Variants in USP34 observed in about 807,000 individuals in gnomAD.
USP34 encodes the protein ubiquitin carboxyl-terminal hydrolase 34.
USP34 carries 70 observed loss-of-function variants against 460.3 expected under a neutral mutation model. That is an observed-to-expected ratio of 0.15 (90% CI 0.13 to 0.19). The LOEUF is 0.19. Among genes scored for constraint, USP34 ranks in the 10% least tolerant of loss-of-function variants. USP34 has a pLI of 1.00. For missense variants in USP34, 3,985 were observed against 4,236.2 expected (o/e 0.94, Z 1.65); for synonymous variants, 1,647 against 1,405.3 (o/e 1.17, Z -3.85).
At chr2:61,349,152 A>G in intron 13 of USP34, 98 bp downstream of exon 13, 3 of 1,397,768 alleles carry the variant, frequency 2.1e-6, no homozygotes, top group Non-Finnish European at 2.9e-6. Flanking sequence ...GAACTTTATG[A>G]CTGATACAAA....
chr2:61,367,980 G>A (rs554955522), intron 10 of USP34, among the ~76,000 whole-genome samples: 3 of 152,156 alleles, frequency 2.0e-5, no homozygotes, highest in South Asian at 4.2e-4. Flanking sequence ...TTACAAAGAG[G>A]CAAGTAAAAA....
intron 34 of USP34, among the ~76,000 whole-genome samples, chr2:61,286,792 T>A (rs1264121920): frequency 2.0e-5 from 3 of 152,218 alleles, no homozygotes; most frequent in Non-Finnish European, 4.4e-5. Flanking sequence ...AAGCTTGTAG[T>A]TGCATATTAT....
chr2:61,363,083 T>G (rs763855087), intron 10 of USP34, among the ~76,000 whole-genome samples: 1 of 151,940 alleles, frequency 6.6e-6, no homozygotes, highest in Non-Finnish European at 1.5e-5. Context: ...AATATGCAAA[T>G]AGCCAATGAG....
intron 16 of USP34, among the ~76,000 whole-genome samples, chr2:61,340,388 C>A (rs993614175): frequency 6.6e-6 from 1 of 152,146 alleles, no homozygotes; most frequent in African/African-American, 2.4e-5. Context: ...ACAAGTTTTG[C>A]ATCATTTCCT....
chr2:61,347,853 T>C lies in USP34; in HGVS notation c.2285+17A>G, dbSNP rs1325223144. ...AAAGGAAATATGAACTGAATATTTA[T>C]TTTGAAGTAGGCTTACCCATCGTGG... On this transcript the variant is annotated intron_variant, in intron 15 of 79. Coordinates refer to ENST00000398571, the MANE Select transcript of USP34 (RefSeq NM_014709.4). The C allele has an allele frequency of 1.9e-6, 3 of 1,607,376 alleles. No homozygotes were observed. Among genetic ancestry groups the C allele is most frequent in the Non-Finnish European group, 8.5e-7 (1 of 1,175,756 alleles).
chr2:61,441,958 A>G (rs1694978770), intron 1 of USP34, among the ~76,000 whole-genome samples: 1 of 152,198 alleles, frequency 6.6e-6, no homozygotes, highest in Non-Finnish European at 1.5e-5. Flanking sequence ...CAGAGTGCCC[A>G]GAAGTTAATA....
chr2:61,375,641 T>C (rs925661543), intron 8 of USP34, among the ~76,000 whole-genome samples: 10 of 151,242 alleles, frequency 6.6e-5, no homozygotes, highest in East Asian at 5.8e-4. Flanking sequence ...TGGTGGCGGG[T>C]GCCTGTAGTC....
At position 61,241,626 on chromosome 2, in the gene USP34, T is replaced by G; in HGVS notation, c.6711A>C (p.Lys2237Asn). Reference sequence around the variant, plus strand: ...CATTTTCTTCCTCTGGTTCCATGCGTTTGTAAAACAGCATATATGCACTGT... The same window carrying G: ...CATTTTCTTCCTCTGGTTCCATGCGGTTGTAAAACAGCATATATGCACTGT... The part of the protein sequence containing the change: ...KTHSAYMLFY[K>N]RMEPEEENGR... Residue 2237 changes from lysine to asparagine, a missense_variant, in exon 53 of 80, where the codon AAA (lysine) becomes AAC (asparagine). This residue lies in a region of USP34 where 604 missense variants were observed against 684.8 expected (regional missense o/e 0.88). Transcript: ENST00000398571. The G allele has an allele frequency of 6.2e-7, 1 of 1,608,218 alleles. No individual in the cohort carries two copies. The highest frequency in any genetic ancestry group is 8.5e-7 in the Non-Finnish European group (1 of 1,178,196).
At chr2:61,224,246 C>T (rs1687668899) in intron 62 of USP34, among the ~76,000 whole-genome samples, 1 of 152,202 alleles carries the variant, frequency 6.6e-6, no homozygotes, top group Non-Finnish European at 1.5e-5. Flanking sequence ...TTTGTGTTTG[C>T]AATTTATCTG....
At chr2:61,263,127 G>A (rs1688943779) in intron 43 of USP34, among the ~76,000 whole-genome samples, 1 of 150,496 alleles carries the variant, frequency 6.6e-6, no homozygotes, top group Non-Finnish European at 1.5e-5. Context: ...TCCTGGCCCA[G>A]CGTCCCGAGT....
rs1385746734 is a variant in USP34, at chr2:61,223,070, A to T, written c.7739T>A (p.Leu2580His). 1.2e-6 allele frequency: 2 copies of T among 1,612,332 alleles called. No individual in the cohort carries two copies. Among genetic ancestry groups the T allele is most frequent in the Non-Finnish European group, 1.7e-6 (2 of 1,178,796 alleles). Reference protein sequence around the residue: ...IFSLCRYNNRLAEHIVSMLFT... With the variant: ...IFSLCRYNNRHAEHIVSMLFT... ...TTCCTTAGCACTTACATGTTCTGCA[A>T]GTCGATTATTGTATCGACACAGGCT... is the stretch of plus-strand genomic sequence containing the variant. The change falls in exon 64 of 80, where the codon CTT becomes CAT. Residue 2580 changes from leucine (L) to histidine (H), a missense_variant. Physicochemically the swap from Leu to His is moderately conservative, Grantham distance 99. Around this residue, in one of 14 missense-constraint regions of USP34, gnomAD observed 604 missense variants for 684.8 expected, o/e 0.88. Transcript: ENST00000398571.
chr2:61,303,747 C>A (rs904555672), intron 27 of USP34, among the ~76,000 whole-genome samples: 1 of 151,994 alleles, frequency 6.6e-6, no homozygotes, highest in African/African-American at 2.4e-5. Context: ...CAGGCGCCTG[C>A]CACCACGCCT....
chr2:61,229,428 C>T lies in USP34; in HGVS notation c.7199+120G>A, dbSNP rs933780843. 6.2e-5 allele frequency: 43 copies of T among 694,004 alleles called. No individual in the cohort carries two copies. In the East Asian group the frequency reaches 1.3e-3, roughly 21 times the overall value. 43.0% of individuals were successfully genotyped at this position (694,004 alleles called of 1,614,324 possible). On this transcript the variant is annotated intron_variant, in intron 59 of 79. Transcript: ENST00000398571. Reference sequence around the variant, plus strand: ...TTTGAACTTACGAGTTTGAGACCAGCCTGGGCAACATGAAGAAACCCTATC... The same window carrying T: ...TTTGAACTTACGAGTTTGAGACCAGTCTGGGCAACATGAAGAAACCCTATC...
intron 18 of USP34, among the ~76,000 whole-genome samples, chr2:61,337,023 A>T (rs986958001): frequency 6.6e-6 from 1 of 152,116 alleles, no homozygotes; most frequent in Non-Finnish European, 1.5e-5. Context: ...TTCTCTTTCT[A>T]TTGAAGTATA....
At position 61,398,174 on chromosome 2, in the gene USP34, G is replaced by A. The variant is rs553319700; in HGVS notation, c.553-2941C>T. 6.2e-4 allele frequency among the ~76,000 whole-genome samples: 95 copies of A among 152,160 alleles called. 1 individual carries two copies. Among genetic ancestry groups the A allele is most frequent in the African/African-American group, 2.0e-3 (83 of 41,516 alleles). On this transcript the variant is annotated intron_variant, in intron 3 of 79. Coordinates refer to ENST00000398571, the MANE Select transcript of USP34 (RefSeq NM_014709.4). ...AACCCAGGAGTTCAAGACTAGCCTC[G>A]TACTCACGGGCGAGACCCAATCTCT...
chr2:61,421,042 G>A (rs762695526), intron 1 of USP34, among the ~76,000 whole-genome samples: 26 of 152,136 alleles, frequency 1.7e-4, no homozygotes, highest in Non-Finnish European at 3.5e-4. Context: ...GGGGCAGTGA[G>A]ACTTTGCCAC....
intron 5 of USP34, among the ~76,000 whole-genome samples, chr2:61,386,190 G>C (rs575143704): frequency 6.6e-6 from 1 of 152,120 alleles, no homozygotes; most frequent in East Asian, 1.9e-4. Flanking sequence ...TTGTAGTGAT[G>C]AGGCATGAGT....
intron 3 of USP34, among the ~76,000 whole-genome samples, chr2:61,399,688 C>T (rs374292562): frequency 2.8e-4 from 43 of 151,826 alleles, no homozygotes; most frequent in African/African-American, 1.0e-3. Flanking sequence ...CTGTCCAACA[C>T]AGTGAAACCT....
intron 41 of USP34, among the ~76,000 whole-genome samples, chr2:61,274,825 G>A (rs1056781879): frequency 5.3e-5 from 8 of 152,126 alleles, no homozygotes; most frequent in African/African-American, 1.9e-4. Flanking sequence ...AACTATAAAC[G>A]TATACTCCAT....
Sources: allele counts gnomAD v4.1 joint callset (sites outside exome capture counted in the v4.1 genomes callset), GRCh38; gene constraint gnomAD v4.1.1; regional missense constraint gnomAD v4.1.1; transcripts MANE v1.5; gene names NCBI Gene and HGNC (gene_info 2026-07-23, HGNC 2026-07-21).